Variants in PDE3B observed in about 807,000 individuals in gnomAD.
The protein encoded by PDE3B is cGMP-inhibited 3',5'-cyclic phosphodiesterase 3B.
Under a neutral mutation model 116.8 loss-of-function variants are expected in PDE3B, and 66 were observed. The observed-to-expected ratio is 0.56, with a 90% CI of 0.46 to 0.69. PDE3B has a LOEUF of 0.69. Ranked by LOEUF, PDE3B falls within the 30% of genes least tolerant of loss-of-function variation. The probability of loss-of-function intolerance (pLI) is 0.00; values close to 1 mark genes in which losing one functional copy is unlikely to be tolerated. For synonymous variants in PDE3B, 595 were observed against 533.6 expected (o/e 1.12, Z -1.59); for missense variants, 1,384 against 1,368.1 (o/e 1.01, Z -0.18).
At chr11:14,736,277 G>A (rs1356053994) in intron 1 of PDE3B, among the ~76,000 whole-genome samples, 3 of 152,188 alleles carry the variant, frequency 2.0e-5, no homozygotes, top group Non-Finnish European at 2.9e-5. Context: ...TAGCCTGAAC[G>A]TGTAGAAGGA....
At chr11:14,759,364 C>T (rs895997738) in intron 1 of PDE3B, among the ~76,000 whole-genome samples, 1 of 151,988 alleles carries the variant, frequency 6.6e-6, no homozygotes, top group African/African-American at 2.4e-5. Context: ...CTCCTTGTAC[C>T]TCTGGTACAT....
chr11:14,878,354 A>G, the PDE3B span: 1 of 1,511,896 alleles, frequency 6.6e-7, no homozygotes, highest in Non-Finnish European at 9.2e-7. Context: ...TACCAAAATT[A>G]ATGTCTAATA....
At chr11:14,886,797 A>G in the PDE3B span, 1 of 152,258 alleles carries the variant, frequency 6.6e-6, no homozygotes, top group African/African-American at 2.4e-5. Context: ...AGTCAAGGAG[A>G]TTTAGCCATG....
At chr11:14,706,414 G>C (rs1186859605) in intron 1 of PDE3B, among the ~76,000 whole-genome samples, 1 of 151,888 alleles carries the variant, frequency 6.6e-6, no homozygotes, top group Non-Finnish European at 1.5e-5. Context: ...TTTACTGGAT[G>C]ATCTTGGGAA....
rs369117566 is a variant in PDE3B, at chr11:14,818,303, G to A, written c.1643G>A (p.Ser548Asn). The A allele has an allele frequency of 1.2e-6, 2 of 1,613,486 alleles. No individual in the cohort carries two copies. Among genetic ancestry groups the A allele is most frequent in the Non-Finnish European group, 1.7e-6 (2 of 1,179,530 alleles). Residue 548 changes from serine to asparagine, a missense_variant, in exon 6 of 16, where the codon AGC becomes AAC. Transcript: ENST00000282096. ...PDTADFLNKPSVILQRSLGNA... is the reference protein window; with the variant it reads ...PDTADFLNKPNVILQRSLGNA... ...ACTGCTGATTTTCTTAATAAGCCAAGCGTTATCTTGCAGAGATCTCTGGGC... is the reference window on the plus strand; with the variant it reads ...ACTGCTGATTTTCTTAATAAGCCAAACGTTATCTTGCAGAGATCTCTGGGC...
intron 5 of PDE3B, among the ~76,000 whole-genome samples, chr11:14,809,416 A>G (rs1859056318): frequency 6.6e-6 from 1 of 152,246 alleles, no homozygotes; most frequent in Admixed American, 6.5e-5. Flanking sequence ...GAAATGGAGT[A>G]GTATTCATAT....
intron 1 of PDE3B, among the ~76,000 whole-genome samples, chr11:14,678,092 C>T (rs1460129323): frequency 6.6e-6 from 1 of 152,038 alleles, no homozygotes; most frequent in Non-Finnish European, 1.5e-5. Flanking sequence ...CCACGCCTGG[C>T]TGATTTTTGT....
chr11:14,810,331 C>A (rs1382023547), intron 5 of PDE3B, among the ~76,000 whole-genome samples: 1 of 122,480 alleles, frequency 8.2e-6, no homozygotes, highest in African/African-American at 3.1e-5. Context: ...CCCCACCCCA[C>A]AACAGTCCCC....
chr11:14,688,170 T>TCTCTCCCTCTCCCC (rs1854941974), intron 1 of PDE3B, among the ~76,000 whole-genome samples: 1 of 149,286 alleles, frequency 6.7e-6, no homozygotes, highest in Non-Finnish European at 1.5e-5. Flanking sequence ...CCTCTCTCTC[T>TCTCTCCCTCTCCCC]CTCTCCCTCT....
chr11:14,825,493 A>G (rs1026732771), intron 7 of PDE3B, among the ~76,000 whole-genome samples: 11 of 152,210 alleles, frequency 7.2e-5, no homozygotes, highest in Admixed American at 6.5e-4. Context: ...TTGCAATCCT[A>G]ATTTCAGACA....
intron 1 of PDE3B, among the ~76,000 whole-genome samples, chr11:14,668,599 A>G (rs950811205): frequency 2.6e-5 from 4 of 152,178 alleles, no homozygotes; most frequent in Admixed American, 6.5e-5. Context: ...TTAGCTGTGA[A>G]TGGATGATAT....
At chr11:14,818,062 T>C (rs1320296392) in intron 5 of PDE3B, 121 bp from the exon 6 acceptor site, 1 of 658,872 alleles carries the variant, frequency 1.5e-6, no homozygotes, top group East Asian at 2.8e-5. Flanking sequence ...TATAATTTAT[T>C]TGTAAATAAT....
intron 12 of PDE3B, among the ~76,000 whole-genome samples, chr11:14,850,726 A>T (rs1053474440): frequency 6.6e-6 from 1 of 152,178 alleles, no homozygotes; most frequent in South Asian, 2.1e-4. Flanking sequence ...AATTCCTTTA[A>T]GGTCACAATT....
At chr11:14,739,893 G>T (rs1433564592) in intron 1 of PDE3B, among the ~76,000 whole-genome samples, 1 of 152,204 alleles carries the variant, frequency 6.6e-6, no homozygotes, top group Non-Finnish European at 1.5e-5. Context: ...CTGCTTATGT[G>T]ATGGATTACA....
chr11:14,789,115 A>G lies in PDE3B; in HGVS notation c.1288A>G (p.Arg430Gly). 6.2e-7 allele frequency: 1 copy of G among 1,607,242 alleles called. No homozygotes were observed. Among genetic ancestry groups the G allele is most frequent in the Non-Finnish European group, 8.5e-7 (1 of 1,176,564 alleles). The change falls in exon 4 of 16, where the codon AGG becomes GGG. Residue 430 changes from arginine (R) to glycine (G), a missense_variant. Arg to Gly is a moderately radical substitution (Grantham distance 125). Transcript: ENST00000282096. ...TTAAATTATTCAACAGGGACTAAAT[A>G]GGAATAGTTTGCCAACTCCACAGCT... ...GDRKLNKGLN[R>G]NSLPTPQLRR...
chr11:14,652,097 C>T (rs1447277734), intron 1 of PDE3B, among the ~76,000 whole-genome samples: 1 of 151,892 alleles, frequency 6.6e-6, no homozygotes, highest in Non-Finnish European at 1.5e-5. Flanking sequence ...AGTTTTAGTT[C>T]TAATATTTAG....
intron 5 of PDE3B, among the ~76,000 whole-genome samples, chr11:14,810,565 C>G (rs1458245401): frequency 6.6e-6 from 1 of 151,826 alleles, no homozygotes; most frequent in Non-Finnish European, 1.5e-5. Flanking sequence ...TCCAGTCTAT[C>G]ATTGTTGGAC....
At chr11:14,854,379 G>T (rs1055524694) in intron 12 of PDE3B, among the ~76,000 whole-genome samples, 1 of 152,134 alleles carries the variant, frequency 6.6e-6, no homozygotes. Context: ...CTAATAGCTG[G>T]CACCCATTAT....
chr11:14,884,015 A>C, the PDE3B span, among the ~76,000 whole-genome samples: 2 of 152,072 alleles, frequency 1.3e-5, no homozygotes, highest in African/African-American at 4.8e-5. Context: ...GGCAATCATT[A>C]AAAAGTCAGG....
Sources: gnomAD v4.1 joint callset for allele counts (sites outside exome capture counted in the v4.1 genomes callset) on GRCh38, gnomAD v4.1.1 for gene constraint, MANE v1.5 for transcripts, NCBI Gene and HGNC (gene_info 2026-07-23, HGNC 2026-07-21) for gene names.